ATP2C2: variants seen among roughly 807,000 people sequenced by gnomAD.
ATP2C2 encodes ATPase secretory pathway Ca2+ transporting 2.
Under a neutral mutation model 110.8 loss-of-function variants are expected in ATP2C2, and 171 were observed. The ratio of observed to expected loss-of-function variants is 1.54; its 90% confidence interval spans 1.36 to 1.75. ATP2C2 has a LOEUF of 1.75. Ranked by LOEUF, ATP2C2 falls within the 40% of genes most tolerant of loss-of-function variation. ATP2C2 has a pLI of 0.00. For missense variants in ATP2C2, 1,963 were observed against 1,235.0 expected (o/e 1.59, Z -8.84); for synonymous variants, 804 against 508.4 (o/e 1.58, Z -7.82).
In ATP2C2 at chr16:84,414,485, C is replaced by T. The variant is rs538899197; in HGVS notation, c.516-998C>T. Among the ~76,000 whole-genome samples the T allele has an allele frequency of 3.7e-4, 56 of 152,200 alleles. 1 individual carries two copies. The highest frequency in any genetic ancestry group is 1.3e-3 in the African/African-American group (53 of 41,518). On this transcript the variant is annotated intron_variant, in intron 6 of 26. Coordinates refer to ENST00000262429, the MANE Select transcript of ATP2C2 (RefSeq NM_014861.4). Reference sequence around the variant, plus strand: ...AAGGGTGTGTGTGTGTGCGTGCACGCGCGTGTACAGTAAGGAAATCTTTTC... The same window carrying T: ...AAGGGTGTGTGTGTGTGCGTGCACGTGCGTGTACAGTAAGGAAATCTTTTC...
intron 1 of ATP2C2, among the ~76,000 whole-genome samples, chr16:84,381,814 A>C (rs1162153417): frequency 6.6e-6 from 1 of 152,116 alleles, no homozygotes; most frequent in Non-Finnish European, 1.5e-5. Context: ...ACATCTATGG[A>C]TATACCACAT....
chr16:84,401,141 C>A (rs1905291068), intron 2 of ATP2C2, among the ~76,000 whole-genome samples: 1 of 151,970 alleles, frequency 6.6e-6, no homozygotes, highest in Non-Finnish European at 1.5e-5. Flanking sequence ...GAAATCTTTG[C>A]CCAGTTCAAT....
chr16:84,417,321 G>A (rs73243759), intron 7 of ATP2C2, among the ~76,000 whole-genome samples: 3 of 152,056 alleles, frequency 2.0e-5, no homozygotes, highest in African/African-American at 4.8e-5. Context: ...GGCGTGACTC[G>A]GGGAAGGAAT....
chr16:84,387,407 G>A (rs985533489), intron 1 of ATP2C2, among the ~76,000 whole-genome samples: 4 of 152,150 alleles, frequency 2.6e-5, no homozygotes, highest in African/African-American at 4.8e-5. Flanking sequence ...AGCCACTCAG[G>A]AGGCTGAGGC....
Position 84,429,860 on chromosome 16 carries a change from C to T in ATP2C2, c.986+4059C>T, listed in dbSNP as rs142816726. Among the ~76,000 whole-genome samples, 23 of 152,190 alleles carry T rather than the reference C, an allele frequency of 1.5e-4. No individual in the cohort carries two copies. In the East Asian group the frequency reaches 2.1e-3, roughly 14 times the overall value. On this transcript the variant is annotated intron_variant, in intron 11 of 26. Coordinates refer to ENST00000262429, the MANE Select transcript of ATP2C2 (RefSeq NM_014861.4). ...CTCACCATTCTAGAGGCCAGAAGTC[C>T]GAGGTCCAGGTGTGGCAGGAGCATG...
At chr16:84,412,268 A>G (rs1308793969) in intron 6 of ATP2C2, among the ~76,000 whole-genome samples, 2 of 147,686 alleles carry the variant, frequency 1.4e-5, no homozygotes, top group Non-Finnish European at 3.0e-5. Context: ...GTGTGTATGT[A>G]TGTGTGTACG....
chr16:84,410,830 C>T, intron 6 of ATP2C2, 65 bp downstream of exon 6: 2 of 1,485,920 alleles, frequency 1.3e-6, no homozygotes, highest in East Asian at 4.5e-5. Flanking sequence ...GAGAGTTTGG[C>T]AAATGTTTGC....
At chr16:84,430,927 G>T (rs971814399) in intron 11 of ATP2C2, among the ~76,000 whole-genome samples, 1 of 152,006 alleles carries the variant, frequency 6.6e-6, no homozygotes, top group East Asian at 1.9e-4. Context: ...CAGCAGGATG[G>T]GGACTCTGCT....
intron 17 of ATP2C2, among the ~76,000 whole-genome samples, chr16:84,449,329 C>G (rs770337892): frequency 1.3e-5 from 2 of 152,234 alleles, no homozygotes; most frequent in African/African-American, 2.4e-5. Context: ...GAGACCCTTG[C>G]GGCTTTCTGG....
Position 84,454,968 on chromosome 16 carries a change from G to A in ATP2C2, c.2131G>A (p.Asp711Asn). ...EAANMILVDD[D>N]FSAIMNAVEE... ...CGCCAACATGATCCTGGTGGATGATGACTTCTCAGCCATCATGTAAGCTGC... is the reference window on the plus strand; with the variant it reads ...CGCCAACATGATCCTGGTGGATGATAACTTCTCAGCCATCATGTAAGCTGC... The change falls in exon 21 of 27, where the codon GAC becomes AAC. Residue 711 changes from aspartate (D) to asparagine (N), a missense_variant. Coordinates refer to ENST00000262429, the MANE Select transcript of ATP2C2 (RefSeq NM_014861.4). 1 of 1,613,104 alleles carries A rather than the reference G, an allele frequency of 6.2e-7. No homozygotes were observed. The highest frequency in any genetic ancestry group is 8.5e-7 in the Non-Finnish European group (1 of 1,179,622).
rs776953922 is a variant in ATP2C2, at chr16:84,405,251, C to T, written c.327+7C>T. ...GAAGAAATACCTGGATCAGGTAGGA[C>T]CAGAGGTGTCATTCTTTGCATTAAC... is the stretch of plus-strand genomic sequence containing the variant. On this transcript the variant is annotated splice_region_variant and intron_variant, in intron 3 of 26. Coordinates refer to ENST00000262429, the MANE Select transcript of ATP2C2 (RefSeq NM_014861.4). The T allele has an allele frequency of 1.9e-6, 3 of 1,604,716 alleles. No individual in the cohort carries two copies. Among genetic ancestry groups the T allele is most frequent in the South Asian group, 1.1e-5 (1 of 90,866 alleles).
At chr16:84,401,584 A>G (rs4545807) in intron 2 of ATP2C2, among the ~76,000 whole-genome samples, 8,734 of 152,126 alleles carry the variant, frequency 0.057, 344 homozygotes, top group Non-Finnish European at 0.085. Context: ...TATTAAAGAG[A>G]TTGCCCTTTC....
At chr16:84,456,154 G>C (rs963187557) in intron 21 of ATP2C2, among the ~76,000 whole-genome samples, 4 of 116,416 alleles carry the variant, frequency 3.4e-5, no homozygotes, top group Admixed American at 9.8e-5. Flanking sequence ...AAATGAGTTA[G>C]GGAGGATTCC....
rs192741421 is a variant in ATP2C2, at chr16:84,451,887, C to T, written c.1661-34C>T. On this transcript the variant is annotated intron_variant, in intron 17 of 26. Coordinates refer to ENST00000262429, the MANE Select transcript of ATP2C2 (RefSeq NM_014861.4). ...CAAAAAACGACGGCCCCTAAGCCCC[C>T]GGTGACCCCTCCTTACTCCCCCTCT... 685 of 1,588,568 alleles carry T rather than the reference C, an allele frequency of 4.3e-4. 4 individuals are homozygous for T. The African/African-American group carries it at 8.1e-3, about 19-fold the overall frequency.
intron 10 of ATP2C2, 109 bp downstream of exon 10, chr16:84,423,372 G>A (rs1043121158): frequency 6.7e-6 from 7 of 1,052,006 alleles, no homozygotes; most frequent in Non-Finnish European, 8.6e-6. Flanking sequence ...GCTGCATAAG[G>A]CTTGGGGATT....
chr16:84,436,763 G>GT lies in ATP2C2; in HGVS notation c.987-2387dup, dbSNP rs10651589. Among the ~76,000 whole-genome samples, 523 of 124,082 alleles carry GT rather than the reference G, an allele frequency of 4.2e-3. 15 individuals carry two copies. Among genetic ancestry groups the GT allele is most frequent in the African/African-American group, 0.013 (422 of 32,322 alleles). The allele number at this position is 124,082 out of a possible 152,430, so 81.4% of individuals were successfully genotyped here. On this transcript the variant is annotated intron_variant, in intron 11 of 26. Coordinates refer to ENST00000262429, the MANE Select transcript of ATP2C2 (RefSeq NM_014861.4). ...CCCCTCCCCATCGCCAGCGAAGGCT[G>GT]TTTTTTTTTTTTTTTTGAGACAGAC...
At chr16:84,446,251 ATAATT>A in intron 15 of ATP2C2, 73 bp from the exon 16 acceptor site, 1 of 801,404 alleles carries the variant, frequency 1.2e-6, no homozygotes, top group Non-Finnish European at 1.9e-6. Flanking sequence ...TGAACAATGA[ATAATT>A]TAAATGGACT....
At chr16:84,438,988 G>C in intron 11 of ATP2C2, 178 bp from the exon 12 acceptor site, 1 of 883,178 alleles carries the variant, frequency 1.1e-6, no homozygotes, top group Non-Finnish European at 1.7e-6. Context: ...GGAGGGCTCA[G>C]GACAGTGGGT....
intron 26 of ATP2C2, 38 bp from the exon 27 acceptor site, chr16:84,463,576 A>G (rs777541510): frequency 6.4e-7 from 1 of 1,563,178 alleles, no homozygotes; most frequent in East Asian, 2.2e-5. Flanking sequence ...ACAGAGCTGC[A>G]GCCCGTCCTG....
Sources: allele counts gnomAD v4.1 joint callset (sites outside exome capture counted in the v4.1 genomes callset), GRCh38; gene constraint gnomAD v4.1.1; transcripts MANE v1.5; gene names NCBI Gene and HGNC (gene_info 2026-07-23, HGNC 2026-07-21).